ATRN: variants seen among roughly 807,000 people sequenced by gnomAD.
The protein encoded by ATRN is attractin.
A neutral mutation model predicts 178.7 loss-of-function variants in ATRN; 54 were observed. That is an observed-to-expected ratio of 0.30 (90% CI 0.24 to 0.38). The LOEUF (loss-of-function observed/expected upper bound fraction) is 0.38. ATRN is among the 10% of genes least tolerant of loss of function. The pLI is 1.00. For missense variants in ATRN, 1,443 were observed against 1,815.1 expected (o/e 0.79, Z 3.73); for synonymous variants, 636 against 663.0 (o/e 0.96, Z 0.63).
chr20:3,477,653 T>C (rs1027676893), intron 1 of ATRN, among the ~76,000 whole-genome samples: 14 of 141,278 alleles, frequency 9.9e-5, no homozygotes, highest in African/African-American at 2.5e-4. Flanking sequence ...GGCAGGGGCC[T>C]GGAGCATAGT....
rs748100543 is a variant in ATRN at position 3,565,330 on chromosome 20, T to C, written c.1787-18T>C. 9 of 1,600,950 alleles carry C rather than the reference T, an allele frequency of 5.6e-6. No homozygotes were observed. In the South Asian group the frequency reaches 7.8e-5, roughly 14 times the overall value. On this transcript the variant is annotated intron_variant, in intron 10 of 28. Coordinates refer to ENST00000262919, the MANE Select transcript of ATRN (RefSeq NM_139321.3). ...AGAAATGGTAGTCCGTTTAAAAATA[T>C]ATTTTTCTTTCTCCTAGCCTGTGAC... is the stretch of plus-strand genomic sequence containing the variant.
chr20:3,574,109 C>T (rs1167384635), intron 12 of ATRN, among the ~76,000 whole-genome samples: 2 of 152,200 alleles, frequency 1.3e-5, no homozygotes, highest in Non-Finnish European at 2.9e-5. Context: ...GAATTTCTTA[C>T]TAGTAGGATT....
At chr20:3,524,820 GA>G (rs2085342616) in intron 1 of ATRN, among the ~76,000 whole-genome samples, 1 of 152,116 alleles carries the variant, frequency 6.6e-6, no homozygotes, top group African/African-American at 2.4e-5. Context: ...GGTAAATAAC[GA>G]AATTAAGGCA....
intron 21 of ATRN, among the ~76,000 whole-genome samples, chr20:3,596,878 A>C (rs1464362365): frequency 1.3e-5 from 2 of 152,090 alleles, no homozygotes; most frequent in African/African-American, 4.8e-5. Flanking sequence ...CAAGGTGACC[A>C]TGTTTTTATG....
intron 1 of ATRN, among the ~76,000 whole-genome samples, chr20:3,512,107 A>ATATATATATATATATT: frequency 1.5e-4 from 16 of 106,394 alleles, no homozygotes; most frequent in Non-Finnish European, 2.3e-4. Flanking sequence ...ATATATATAT[A>ATATATATATATATATT]TTTTTTTTTT....
rs1331876349 is a variant in ATRN, at chr20:3,541,076, ATT to A, written c.608+759_608+760del. ...TTTTCTTCCTTTTACATGATAGAGG[ATT>A]TTTTTTTTTTTTTTTTTGAGACGGA... On this transcript the variant is annotated intron_variant, in intron 3 of 28. Coordinates refer to ENST00000262919, the MANE Select transcript of ATRN (RefSeq NM_139321.3). Among the ~76,000 whole-genome samples the A allele has an allele frequency of 6.9e-3, 823 of 118,958 alleles. 9 individuals carry two copies. Among genetic ancestry groups the A allele is most frequent in the African/African-American group, 0.023 (758 of 33,228 alleles). The allele number at this position is 118,958 out of a possible 152,430, so 78.0% of individuals were successfully genotyped here.
chr20:3,490,668 T>TC (rs2146087071), intron 1 of ATRN: 1 of 841,758 alleles, frequency 1.2e-6, no homozygotes, highest in Non-Finnish European at 2.1e-6. Flanking sequence ...TTGGATTCTC[T>TC]GAGCCTTCAG....
chr20:3,630,341 G>C (rs187116760), intron 25 of ATRN, among the ~76,000 whole-genome samples: 1 of 152,228 alleles, frequency 6.6e-6, no homozygotes, highest in East Asian at 1.9e-4. Context: ...GCAGTGCACT[G>C]TCTCTCGTTC....
At chr20:3,589,038 A>G (rs2086400969) in intron 18 of ATRN, among the ~76,000 whole-genome samples, 3 of 124,964 alleles carry the variant, frequency 2.4e-5, no homozygotes, top group Non-Finnish European at 1.6e-5. Context: ...TCTGGAGTGC[A>G]GTGACGTGAT....
intron 1 of ATRN, among the ~76,000 whole-genome samples, chr20:3,478,813 T>G (rs2084571566): frequency 1.3e-5 from 2 of 151,262 alleles, no homozygotes; most frequent in Non-Finnish European, 2.9e-5. Context: ...GTAGTTTTTC[T>G]GTGTTTGCTA....
intron 19 of ATRN, chr20:3,592,399 CA>C (rs531945964): frequency 0.18 from 106,159 of 576,192 alleles, 80 homozygotes; most frequent in Non-Finnish European, 0.19. Flanking sequence ...GACTCAGTCT[CA>C]AAAAAAAAAA....
chr20:3,640,237 A>G lies in ATRN; in HGVS notation c.4050+1302A>G, dbSNP rs185957894. On this transcript the variant is annotated intron_variant, in intron 27 of 28. Coordinates refer to ENST00000262919, the MANE Select transcript of ATRN (RefSeq NM_139321.3). ...GAAATTTTTTAAATAAATAAACTCA[A>G]TTTACATGTTAAATAGCATATCAGA... Among the ~76,000 whole-genome samples, 171 of 152,342 alleles carry G rather than the reference A, an allele frequency of 1.1e-3. 1 individual carries two copies. The highest frequency in any genetic ancestry group is 3.9e-3 in the African/African-American group (164 of 41,586).
chr20:3,531,295 G>A (rs2085450381), intron 1 of ATRN, among the ~76,000 whole-genome samples: 1 of 152,180 alleles, frequency 6.6e-6, no homozygotes, highest in South Asian at 2.1e-4. Flanking sequence ...ATACATTGCT[G>A]GTGCAAATGT....
Position 3,545,714 on chromosome 20 carries a change from A to G in ATRN, c.609-48A>G, listed in dbSNP as rs749153517. 3 of 1,577,900 alleles carry G rather than the reference A, an allele frequency of 1.9e-6. No homozygotes were observed. In the African/African-American group the frequency reaches 4.1e-5, roughly 22 times the overall value. ...TAATTTCTGTCTGCTACAATTTGAC[A>G]TGTCTGTGCTTGTGCTTCCCTCTAT... On this transcript the variant is annotated intron_variant, in intron 3 of 28. Coordinates refer to ENST00000262919, the MANE Select transcript of ATRN (RefSeq NM_139321.3).
At position 3,583,686 on chromosome 20, in the gene ATRN, T is replaced by C. The variant is rs540584420; in HGVS notation, c.2765-212T>C. On this transcript the variant is annotated intron_variant, in intron 16 of 28. Transcript: ENST00000262919. ...AGCCAGACGTGATGGCGCACCCCTG[T>C]AGTCCCAGCTACTTGGGAGGCTGAG... is the stretch of plus-strand genomic sequence containing the variant. Among the ~76,000 whole-genome samples, 9 of 152,172 alleles carry C rather than the reference T, an allele frequency of 5.9e-5. No homozygotes were observed. The South Asian group carries it at 1.2e-3, about 21-fold the overall frequency.
At chr20:3,612,979 A>C (rs977569780) in intron 24 of ATRN, among the ~76,000 whole-genome samples, 1 of 152,054 alleles carries the variant, frequency 6.6e-6, no homozygotes, top group Non-Finnish European at 1.5e-5. Flanking sequence ...CACCCTCTGA[A>C]AGTCACTGAA....
chr20:3,492,168 AGTGTGT>A (rs58489496), intron 1 of ATRN, among the ~76,000 whole-genome samples: 64 of 140,676 alleles, frequency 4.5e-4, no homozygotes, highest in Middle Eastern at 7.0e-3. Context: ...TAGATAGGGG[AGTGTGT>A]GTGTGTGTGT....
chr20:3,624,404 T>C (rs1000554118), intron 24 of ATRN, 107 bp from the exon 25 acceptor site: 1 of 1,062,338 alleles, frequency 9.4e-7, no homozygotes, highest in Non-Finnish European at 1.4e-6. Context: ...TTCCTTAACT[T>C]CTTTAAAATG....
intron 25 of ATRN, among the ~76,000 whole-genome samples, chr20:3,625,083 A>G (rs1379523269): frequency 1.3e-5 from 2 of 152,224 alleles, no homozygotes; most frequent in East Asian, 3.8e-4. Flanking sequence ...ATTGAAAAAG[A>G]CAAAAAACGT....
Sources: allele counts gnomAD v4.1 joint callset (sites outside exome capture counted in the v4.1 genomes callset), GRCh38; gene constraint gnomAD v4.1.1; transcripts MANE v1.5; gene names NCBI Gene and HGNC (gene_info 2026-07-23, HGNC 2026-07-21).